SCUBE2: variants seen among roughly 807,000 people sequenced by gnomAD.
SCUBE2 encodes the protein signal peptide, CUB domain and EGF like domain containing 2.
In SCUBE2, 114 loss-of-function variants were observed where a neutral mutation model predicts 125.9. That is an observed-to-expected ratio of 0.91 (90% confidence interval 0.78 to 1.06). SCUBE2 has a LOEUF of 1.06. Among genes scored for constraint, SCUBE2 ranks in the 50% least tolerant of loss-of-function variants. The probability of loss-of-function intolerance (pLI) is 0.00; values close to 1 mark genes in which losing one functional copy is unlikely to be tolerated. For missense variants in SCUBE2, 1,255 were observed against 1,301.8 expected (o/e 0.96, Z 0.55); for synonymous variants, 459 against 492.9 (o/e 0.93, Z 0.91).
In SCUBE2 at chr11:9,025,416, C is replaced by T. The variant is rs1855636730; in HGVS notation, c.2854+286G>A. The T allele has an allele frequency of 9.8e-6, 3 of 307,614 alleles. No homozygotes were observed. The East Asian group carries it at 2.0e-4, about 21-fold the overall frequency. The allele number at this position is 307,614 out of a possible 1,614,324, so 19.1% of individuals were successfully genotyped here. A position where few individuals can be genotyped will look rare whatever the true frequency, so the allele number is the denominator to read the frequency against. The stretch of plus-strand genomic sequence containing the variant: ...GCTTAGAGATGGTGGCATACACAGT[C>T]ACAGAGAAATCATAGCCAGGCTAAT... On this transcript the variant is annotated intron_variant, in intron 21 of 22. Transcript: ENST00000649792.
At chr11:9,083,542 G>A (rs1861810547) in intron 2 of SCUBE2, among the ~76,000 whole-genome samples, 1 of 151,742 alleles carries the variant, frequency 6.6e-6, no homozygotes, top group African/African-American at 2.4e-5. Context: ...TAAGCAAAGA[G>A]AGAATAGAAT....
chr11:9,070,666 T>C (rs1333730690), intron 4 of SCUBE2, among the ~76,000 whole-genome samples: 1 of 152,208 alleles, frequency 6.6e-6, no homozygotes, highest in African/African-American at 2.4e-5. Context: ...CACCCTTCTA[T>C]ATTGTGCCCC....
Position 9,047,515 on chromosome 11 carries a change from G to A in SCUBE2, c.1843C>T (p.Arg615Cys), listed in dbSNP as rs766847990. The A allele has an allele frequency of 1.1e-5, 18 of 1,613,916 alleles. No homozygotes were observed. Among genetic ancestry groups the A allele is most frequent in the East Asian group, 2.2e-5 (1 of 44,876 alleles). ...CIVKRTEKRL[R>C]KAIRTLRKAV... is the part of the protein sequence containing the mutation. ...TTTCTGAGCGTGCGGATGGCTTTAC[G>A]GAGCCGCTTCTCGGTTCGCTTTACG... The change falls in exon 16 of 23, where the codon CGT (arginine) becomes TGT (cysteine). Residue 615 changes from arginine (R) to cysteine (C), a missense_variant. Transcript: ENST00000649792.
intron 19 of SCUBE2, 121 bp from the exon 20 acceptor site, chr11:9,027,682 C>CCAT (rs1855912682): frequency 1.2e-6 from 1 of 814,728 alleles, no homozygotes; most frequent in Non-Finnish European, 1.9e-6. Context: ...GAAAATGACA[C>CCAT]CATCTGGGAA....
In SCUBE2 at chr11:9,089,690, G is replaced by T; in HGVS notation, c.256+17C>A. ...AGCTTCCCTACAGTCCCCCCACATG[G>T]TCCCCAAGGCACTTACCCTCACACT... On this transcript the variant is annotated intron_variant, in intron 2 of 22. Transcript: ENST00000649792. 1 of 1,611,782 alleles carries T rather than the reference G, an allele frequency of 6.2e-7. No individual in the cohort carries two copies. The highest frequency in any genetic ancestry group is 8.5e-7 in the Non-Finnish European group (1 of 1,178,756).
At chr11:9,082,036 T>C (rs892522461) in intron 2 of SCUBE2, among the ~76,000 whole-genome samples, 2 of 152,262 alleles carry the variant, frequency 1.3e-5, no homozygotes, top group African/African-American at 4.8e-5. Flanking sequence ...CTAATGGATA[T>C]GAATAGTAGC....
At chr11:9,027,184 C>T (rs1002259072) in intron 20 of SCUBE2, 180 bp downstream of exon 20, 23 of 626,318 alleles carry the variant, frequency 3.7e-5, no homozygotes, top group Middle Eastern at 8.7e-4. Context: ...CCCAGCAAGA[C>T]GCTTCAGTGT....
chr11:9,084,075 C>T (rs575990837), intron 2 of SCUBE2, among the ~76,000 whole-genome samples: 1 of 152,258 alleles, frequency 6.6e-6, no homozygotes, highest in African/African-American at 2.4e-5. Flanking sequence ...GGAATCAGAG[C>T]TCCTTGGAGA....
At chr11:9,059,453 A>G (rs1277439214) in intron 8 of SCUBE2, 28 bp from the exon 9 acceptor site, 1 of 1,606,640 alleles carries the variant, frequency 6.2e-7, no homozygotes, top group East Asian at 2.2e-5. Flanking sequence ...TGGGCATATC[A>G]GAGAGCAATA....
At chr11:9,077,009 C>T (rs774424520) in intron 3 of SCUBE2, among the ~76,000 whole-genome samples, 10 of 152,348 alleles carry the variant, frequency 6.6e-5, no homozygotes, top group Non-Finnish European at 1.5e-4. Context: ...TGAGCTACCA[C>T]ACCCCCACCC....
rs138280966 is a variant in SCUBE2, at chr11:9,069,377, G to A, written c.636C>T (p.Asp212=). Residue 212 remains aspartate (D), a synonymous_variant, in exon 5 of 23, where the codon GAC becomes GAT. Coordinates refer to ENST00000649792, the MANE Select transcript of SCUBE2 (RefSeq NM_001367977.2). Reference sequence around the variant, plus strand: ...GCACTGGCCCATACTTACAGATGCAGTCTCTCTGGTTCTTGGCCAGCTCAA... The same window carrying A: ...GCACTGGCCCATACTTACAGATGCAATCTCTCTGGTTCTTGGCCAGCTCAA... ...PGFELAKNQR[D]CILTCNHGNG... The A allele has an allele frequency of 1.3e-5, 21 of 1,614,136 alleles. No homozygotes were observed. The highest frequency in any genetic ancestry group is 1.8e-5 in the Non-Finnish European group (21 of 1,180,048).
intron 2 of SCUBE2, among the ~76,000 whole-genome samples, chr11:9,083,368 T>C (rs1454093964): frequency 6.6e-6 from 1 of 152,166 alleles, no homozygotes; most frequent in Non-Finnish European, 1.5e-5. Flanking sequence ...CTGTATGCTA[T>C]ACTCTAGTAA....
At chr11:9,060,342 A>G in intron 8 of SCUBE2, 66 bp downstream of exon 8, 1 of 1,229,544 alleles carries the variant, frequency 8.1e-7, no homozygotes, top group Non-Finnish European at 1.2e-6. Context: ...TTATCCCCAT[A>G]TGTTAGCGGC....
chr11:9,021,070 G>A lies in SCUBE2; in HGVS notation c.3062C>T (p.Ser1021Phe). The change falls in exon 23 of 23, where the codon TCC becomes TTC. Residue 1021 changes from serine (S) to phenylalanine (F), a missense_variant. Transcript: ENST00000649792. ...TCATTTGTAAGGTCTCAAAAACCTG[G>A]ACACTTTGGAACGTAGCAATCGGAT... ...SFIRLLRSKVSRFLRPYK is the reference protein window; with the variant it reads ...SFIRLLRSKVFRFLRPYK 2 of 1,613,602 alleles carry A rather than the reference G, an allele frequency of 1.2e-6. No homozygotes were observed. Among genetic ancestry groups the A allele is most frequent in the South Asian group, 1.1e-5 (1 of 90,890 alleles).
intron 12 of SCUBE2, 119 bp from the exon 13 acceptor site, chr11:9,052,951 G>T: frequency 9.7e-7 from 1 of 1,026,804 alleles, no homozygotes; most frequent in Non-Finnish European, 1.4e-6. Context: ...CCCAGCATAT[G>T]GGGTCTCGAA....
chr11:9,053,142 G>A lies in SCUBE2; in HGVS notation c.1404C>T (p.Asp468=), dbSNP rs145459189. The A allele has an allele frequency of 5.4e-5, 87 of 1,614,154 alleles. No individual in the cohort carries two copies. The highest frequency in any genetic ancestry group is 2.9e-4 in the African/African-American group (22 of 75,040). Residue 468 remains aspartate (D), a synonymous_variant, in exon 12 of 23, where the codon GAC becomes GAT. Coordinates refer to ENST00000649792, the MANE Select transcript of SCUBE2 (RefSeq NM_001367977.2). ...CAGAGTGACATCTGAGGAAGCACCCGTCTCCTCCACCACTCTTACCGCAGT... is the reference window on the plus strand; with the variant it reads ...CAGAGTGACATCTGAGGAAGCACCCATCTCCTCCACCACTCTTACCGCAGT... ...SLHCGKSGGG[D]GCFLRCHSGI...
chr11:9,035,446 T>C (rs1273630547), intron 16 of SCUBE2, among the ~76,000 whole-genome samples: 8 of 152,196 alleles, frequency 5.3e-5, no homozygotes, highest in Admixed American at 5.2e-4. Context: ...CAGATTTAAG[T>C]GCAGTTGAAG....
At chr11:9,052,393 T>G (rs1389231045) in intron 13 of SCUBE2, among the ~76,000 whole-genome samples, 1 of 152,258 alleles carries the variant, frequency 6.6e-6, no homozygotes, top group Non-Finnish European at 1.5e-5. Flanking sequence ...CTGCCCCTGC[T>G]TTGCCTATTT....
At position 9,020,237 on chromosome 11, in the gene SCUBE2, GAA is replaced by G. The variant is rs1204450150; in HGVS notation, c.*806_*807del. On this transcript the variant is annotated 3_prime_UTR_variant, in exon 23 of 23. Transcript: ENST00000649792. ...CAATTGATGATTCTCATCCACTGAGGAAATTACATTTCACCTGAACTCCCCAG... is the reference window on the plus strand; with the variant it reads ...CAATTGATGATTCTCATCCACTGAGGATTACATTTCACCTGAACTCCCCAG... Among the ~76,000 whole-genome samples, 1 of 152,114 alleles carries G rather than the reference GAA, an allele frequency of 6.6e-6. No individual in the cohort carries two copies. The highest frequency in any genetic ancestry group is 2.4e-5 in the African/African-American group (1 of 41,432).
Sources: gnomAD v4.1 joint callset for allele counts (sites outside exome capture counted in the v4.1 genomes callset) on GRCh38, gnomAD v4.1.1 for gene constraint, MANE v1.5 for transcripts, NCBI Gene and HGNC (gene_info 2026-07-23, HGNC 2026-07-21) for gene names.